CTNNA1: variants seen among roughly 807,000 people sequenced by gnomAD.
The protein encoded by CTNNA1 is catenin alpha 1.
In CTNNA1, 37 loss-of-function variants were observed where a neutral mutation model predicts 98.4. That is an observed-to-expected ratio of 0.38 (90% CI 0.29 to 0.49). CTNNA1 has a LOEUF of 0.49. CTNNA1 is among the 20% of genes least tolerant of loss of function. The pLI is 0.95. For missense variants in CTNNA1, 761 were observed against 1,147.2 expected, an observed-to-expected ratio of 0.66 and a Z score of 4.86; for synonymous variants, 404 against 413.2, an observed-to-expected ratio of 0.98 and a Z score of 0.27.
intron 3 of CTNNA1, among the ~76,000 whole-genome samples, chr5:138,786,389 A>G (rs911606814): frequency 1.3e-5 from 2 of 152,330 alleles, no homozygotes; most frequent in Middle Eastern, 3.4e-3. Flanking sequence ...TGCTTAATCA[A>G]CTGAGACTTG....
rs1353922569 is a variant in CTNNA1 at position 138,886,236 on chromosome 5, G to A, written c.1087G>A (p.Ala363Thr). 6.2e-7 allele frequency: 1 copy of A among 1,611,198 alleles called. No individual in the cohort carries two copies. The highest frequency in any genetic ancestry group is 8.5e-7 in the Non-Finnish European group (1 of 1,178,650). The change falls in exon 8 of 18, where the codon GCA becomes ACA. Residue 363 changes from alanine (A) to threonine (T), a missense_variant. Coordinates refer to ENST00000302763, the MANE Select transcript of CTNNA1 (RefSeq NM_001903.5). ...GNAGRKERSD[A>T]LNSAIDKMTK... ...GGCTGGACGTAAAGAAAGAAGTGAT[G>A]CACTCAATTCTGCAATAGATAAAAT...
At chr5:138,758,449 C>T (rs889391841) in intron 1 of CTNNA1, among the ~76,000 whole-genome samples, 1 of 152,294 alleles carries the variant, frequency 6.6e-6, no homozygotes, top group South Asian at 2.1e-4. Context: ...ACGATCTTGG[C>T]TCACTGCAAC....
chr5:138,768,142 C>T (rs1310096581), intron 1 of CTNNA1, among the ~76,000 whole-genome samples: 1 of 152,176 alleles, frequency 6.6e-6, no homozygotes, highest in Non-Finnish European at 1.5e-5. Context: ...ATTCGATTGT[C>T]GTATGTCTTT....
chr5:138,909,312 G>A (rs1307882969), intron 10 of CTNNA1, among the ~76,000 whole-genome samples: 1 of 151,628 alleles, frequency 6.6e-6, no homozygotes, highest in African/African-American at 2.4e-5. Context: ...GATGAATTAA[G>A]TATATGAAGC....
intron 3 of CTNNA1, among the ~76,000 whole-genome samples, chr5:138,789,136 C>A (rs970656970): frequency 6.6e-6 from 1 of 151,962 alleles, no homozygotes; most frequent in Non-Finnish European, 1.5e-5. Flanking sequence ...AGTGTGTGGT[C>A]CCTGAGGGGG....
chr5:138,777,170 C>T (rs879533302), intron 1 of CTNNA1, among the ~76,000 whole-genome samples: 3,733 of 111,664 alleles, frequency 0.033, no homozygotes, highest in Non-Finnish European at 0.037. Flanking sequence ...CGCTCCTCAC[C>T]TCCCAGACGG....
chr5:138,879,021 C>T lies in CTNNA1; in HGVS notation c.1063-7191C>T, dbSNP rs1168171618. ...GGTCAGGAGTTCAAGACCAGCCTGG[C>T]CAAGGTGGTGAAATCCCGTCTCTAC... On this transcript the variant is annotated intron_variant, in intron 7 of 17. Transcript: ENST00000302763. Among the ~76,000 whole-genome samples the T allele has an allele frequency of 2.0e-5, 3 of 151,958 alleles. No individual in the cohort carries two copies. The East Asian group carries it at 5.8e-4, about 29-fold the overall frequency.
intron 7 of CTNNA1, chr5:138,875,047 G>A: frequency 2.5e-6 from 2 of 815,562 alleles, no homozygotes; most frequent in Middle Eastern, 2.3e-4. Flanking sequence ...AAGTAAAATT[G>A]AATCCACCAG....
chr5:138,846,692 AT>A (rs1762756586), intron 7 of CTNNA1, among the ~76,000 whole-genome samples: 1 of 152,114 alleles, frequency 6.6e-6, no homozygotes, highest in East Asian at 1.9e-4. Flanking sequence ...ATGGCCTACA[AT>A]TTTCTGTGAC....
chr5:138,924,268 G>T (rs1470159680), intron 11 of CTNNA1, among the ~76,000 whole-genome samples: 3 of 145,382 alleles, frequency 2.1e-5, no homozygotes, highest in Non-Finnish European at 3.0e-5. Flanking sequence ...TTTTGTGTGT[G>T]TTTTTTATTT....
chr5:138,778,130 A>G (rs967408966), intron 1 of CTNNA1, among the ~76,000 whole-genome samples: 19 of 148,660 alleles, frequency 1.3e-4, no homozygotes, highest in Admixed American at 1.1e-3. Flanking sequence ...AGTAGCTGGG[A>G]CTACAGGCGA....
intron 13 of CTNNA1, among the ~76,000 whole-genome samples, 160 bp from the exon 14 acceptor site, chr5:138,929,086 A>G (rs1179370345): frequency 3.3e-5 from 5 of 152,172 alleles, no homozygotes; most frequent in Non-Finnish European, 5.9e-5. Context: ...GCTCGAGACA[A>G]ATGCTGAGTG....
chr5:138,849,153 A>G (rs557388375), intron 7 of CTNNA1, among the ~76,000 whole-genome samples: 2 of 151,996 alleles, frequency 1.3e-5, no homozygotes, highest in African/African-American at 2.4e-5. Flanking sequence ...ATTCTTTCCT[A>G]CTGGTTTTGG....
At chr5:138,886,990 A>G (rs1009960634) in intron 8 of CTNNA1, among the ~76,000 whole-genome samples, 25 of 152,130 alleles carry the variant, frequency 1.6e-4, no homozygotes, top group African/African-American at 4.8e-4. Context: ...TCTTTATTCA[A>G]TTTCCTTTTG....
chr5:138,854,702 C>A (rs1763564905), intron 7 of CTNNA1, among the ~76,000 whole-genome samples: 3 of 152,130 alleles, frequency 2.0e-5, no homozygotes, highest in South Asian at 2.1e-4. Flanking sequence ...TTTTTCAGTT[C>A]CTTCTTTGGA....
intron 7 of CTNNA1, among the ~76,000 whole-genome samples, chr5:138,853,011 A>AT (rs1763384048): frequency 6.6e-6 from 1 of 151,998 alleles, no homozygotes; most frequent in South Asian, 2.1e-4. Context: ...TAATTTGTTC[A>AT]TTTTATTGCT....
At chr5:138,809,991 T>TAA (rs750467966) in intron 3 of CTNNA1, 47 bp from the exon 4 acceptor site, 1 of 1,561,566 alleles carries the variant, frequency 6.4e-7, no homozygotes, top group Non-Finnish European at 8.8e-7. Context: ...GTAGATCAGT[T>TAA]ATTTGAGTTC....
intron 1 of CTNNA1, among the ~76,000 whole-genome samples, chr5:138,767,327 C>T (rs973032567): frequency 9.2e-5 from 14 of 152,172 alleles, no homozygotes; most frequent in South Asian, 2.1e-4. Context: ...TGAGCCACCG[C>T]GCCAGGCTGA....
At chr5:138,894,502 A>C (rs1463174907) in intron 9 of CTNNA1, among the ~76,000 whole-genome samples, 2 of 151,342 alleles carry the variant, frequency 1.3e-5, no homozygotes, top group Non-Finnish European at 2.9e-5. Flanking sequence ...GCTGTTCTCA[A>C]ACTCAAGTGA....
Sources: allele counts gnomAD v4.1 joint callset (sites outside exome capture counted in the v4.1 genomes callset), GRCh38; gene constraint gnomAD v4.1.1; transcripts MANE v1.5; gene names NCBI Gene and HGNC (gene_info 2026-07-23, HGNC 2026-07-21).